The following PCNX1 variants were observed in gnomAD, a reference collection of about 807,000 sequenced individuals.
PCNX1 encodes pecanex-like protein 1.
PCNX1 carries 78 observed loss-of-function variants against 242.2 expected under a neutral mutation model. That is an observed-to-expected ratio of 0.32 (90% CI 0.27 to 0.39). PCNX1 has a LOEUF of 0.39. PCNX1 is among the 10% of genes least tolerant of loss of function. PCNX1 has a pLI of 1.00. For synonymous variants in PCNX1, 1,024 were observed against 1,032.9 expected (o/e 0.99, Z 0.17); for missense variants, 2,581 against 2,856.5 (o/e 0.90, Z 2.20).
At chr14:71,062,662 T>C (rs1372751899) in intron 26 of PCNX1, among the ~76,000 whole-genome samples, 11 of 151,834 alleles carry the variant, frequency 7.2e-5, no homozygotes. Context: ...TAAGCTTAGG[T>C]AAATTTATTA....
At chr14:71,030,092 T>G (rs1176984849) in intron 16 of PCNX1, among the ~76,000 whole-genome samples, 3 of 152,222 alleles carry the variant, frequency 2.0e-5, no homozygotes, top group Non-Finnish European at 4.4e-5. Flanking sequence ...TTGGTTTTTT[T>G]AGTTTTAATT....
rs1297586177 is a variant in PCNX1, at chr14:71,110,815, T to C, written c.*880T>C. On this transcript the variant is annotated 3_prime_UTR_variant, in exon 36 of 36. Coordinates refer to ENST00000304743, the MANE Select transcript of PCNX1 (RefSeq NM_014982.3). ...TGTGTCTACATCTCAGAGGAGCCCATGTGCTCTGCTTCTCTCCACCAGAGC... is the reference window on the plus strand; with the variant it reads ...TGTGTCTACATCTCAGAGGAGCCCACGTGCTCTGCTTCTCTCCACCAGAGC... 1.3e-5 allele frequency: 2 copies of C among 152,692 alleles called. No individual in the cohort carries two copies. Among genetic ancestry groups the C allele is most frequent in the African/African-American group, 2.4e-5 (1 of 41,464 alleles). 9.5% of individuals were successfully genotyped at this position (152,692 alleles called of 1,614,324 possible). A position where few individuals can be genotyped will look rare whatever the true frequency, so the allele number is the denominator to read the frequency against.
intron 22 of PCNX1, among the ~76,000 whole-genome samples, chr14:71,048,599 T>C (rs1277779867): frequency 6.6e-6 from 1 of 152,214 alleles, no homozygotes; most frequent in Non-Finnish European, 1.5e-5. Context: ...GAAATAGTAA[T>C]TCAATTTCAT....
At chr14:70,910,229 T>TCCTCCTTCTC (rs1375541677) in intron 1 of PCNX1, among the ~76,000 whole-genome samples, 2 of 69,488 alleles carry the variant, frequency 2.9e-5, no homozygotes, top group African/African-American at 5.3e-5. Flanking sequence ...CTCCTCCTCC[T>TCCTCCTTCTC]CTCACCAGCA....
At chr14:70,913,557 A>G (rs576260617) in intron 1 of PCNX1, among the ~76,000 whole-genome samples, 14 of 152,310 alleles carry the variant, frequency 9.2e-5, no homozygotes, top group African/African-American at 3.4e-4. Flanking sequence ...TCAGACTCTA[A>G]ATCATTAACA....
In PCNX1 at chr14:70,978,002, T is replaced by C; in HGVS notation, c.1665T>C (p.Ser555=). The change falls in exon 6 of 36, where the codon TCT becomes TCC. Residue 555 remains serine (S), a synonymous_variant. Coordinates refer to ENST00000304743, the MANE Select transcript of PCNX1 (RefSeq NM_014982.3). ...CTAGCGTAATCCATCGGACAGCTTC[T>C]GCCCACAAGTCAGGCAGGAGACGCA... ...KSSSVIHRTA[S]AHKSGRRRTG... 6.2e-7 allele frequency: 1 copy of C among 1,614,194 alleles called. No homozygotes were observed. Among genetic ancestry groups the C allele is most frequent in the Non-Finnish European group, 8.5e-7 (1 of 1,180,032 alleles).
At chr14:71,051,697 TTATG>T (rs1340224957) in intron 23 of PCNX1, among the ~76,000 whole-genome samples, 182 bp from the exon 24 acceptor site, 3 of 152,190 alleles carry the variant, frequency 2.0e-5, no homozygotes, top group African/African-American at 7.2e-5. Flanking sequence ...AGGTTGTACT[TTATG>T]TATGTCTTTC....
intron 16 of PCNX1, chr14:71,031,606 T>C (rs189403654): frequency 1.1e-3 from 608 of 570,818 alleles, no homozygotes; most frequent in Non-Finnish European, 1.7e-3. Context: ...CACAATAGAC[T>C]TAGGCAGCCC....
At chr14:70,973,081 G>C (rs1284346284) in intron 5 of PCNX1, among the ~76,000 whole-genome samples, 1 of 151,826 alleles carries the variant, frequency 6.6e-6, no homozygotes, top group Non-Finnish European at 1.5e-5. Flanking sequence ...GTGAAGCCCT[G>C]CCTTTAAGAA....
At chr14:70,963,946 G>C (rs1437510750) in intron 3 of PCNX1, among the ~76,000 whole-genome samples, 1 of 152,152 alleles carries the variant, frequency 6.6e-6, no homozygotes, top group Non-Finnish European at 1.5e-5. Context: ...AGAACATGTA[G>C]GTTGTTAAAT....
rs138522889 is a variant in PCNX1 at position 71,074,185 on chromosome 14, C to T, written c.5106+387C>T. 1.7e-3 allele frequency among the ~76,000 whole-genome samples: 265 copies of T among 152,356 alleles called. 6 individuals are homozygous for T. Among genetic ancestry groups the T allele is most frequent in the Admixed American group, 0.017 (258 of 15,300 alleles). On this transcript the variant is annotated intron_variant, in intron 27 of 35. Transcript: ENST00000304743. Reference sequence around the variant, plus strand: ...AGTTAACTTGTCCAAGATCCTCTAACAAGTAGAGTTTGGGGCTTAAAAGCC... The same window carrying T: ...AGTTAACTTGTCCAAGATCCTCTAATAAGTAGAGTTTGGGGCTTAAAAGCC...
chr14:70,963,889 GTTCATCACTGTATC>G (rs1391260468), intron 3 of PCNX1, among the ~76,000 whole-genome samples: 1 of 152,122 alleles, frequency 6.6e-6, no homozygotes, highest in Non-Finnish European at 1.5e-5. Flanking sequence ...TCTCTTGTGT[GTTCATCACTGTATC>G]ATGCGGCTCA....
intron 26 of PCNX1, among the ~76,000 whole-genome samples, chr14:71,071,984 A>G (rs369133200): frequency 2.1e-4 from 32 of 152,300 alleles, no homozygotes; most frequent in East Asian, 7.7e-4. Context: ...CCATTTGTCA[A>G]TTTAAGTTTG....
intron 19 of PCNX1, among the ~76,000 whole-genome samples, chr14:71,041,483 A>G (rs8007425): frequency 0.54 from 81,695 of 151,902 alleles, 22,899 homozygotes; most frequent in East Asian, 0.74. Context: ...CAATTTATTC[A>G]CATATAGTTA....
chr14:70,950,946 TTG>T (rs1171809205), intron 2 of PCNX1, among the ~76,000 whole-genome samples: 1 of 152,076 alleles, frequency 6.6e-6, no homozygotes, highest in African/African-American at 2.4e-5. Flanking sequence ...TGGTCCAATT[TTG>T]TGTGTTTGTT....
rs751587521 is a variant in PCNX1, at chr14:70,978,403, G to T, written c.2066G>T (p.Arg689Leu). The change falls in exon 6 of 36, where the codon CGA becomes CTA. Residue 689 changes from arginine (R) to leucine (L), a missense_variant. Coordinates refer to ENST00000304743, the MANE Select transcript of PCNX1 (RefSeq NM_014982.3). ...SSTNSAKTRA[R>L]VLSLDSGTVA... Reference sequence around the variant, plus strand: ...ACAAATAGTGCCAAGACTCGTGCCCGAGTGTTGAGCCTGGACAGTGGCACA... The same window carrying T: ...ACAAATAGTGCCAAGACTCGTGCCCTAGTGTTGAGCCTGGACAGTGGCACA... 3.2e-5 allele frequency: 52 copies of T among 1,614,094 alleles called. No individual in the cohort carries two copies. The highest frequency in any genetic ancestry group is 4.2e-5 in the Non-Finnish European group (49 of 1,180,046).
intron 29 of PCNX1, 73 bp from the exon 30 acceptor site, chr14:71,089,119 A>T (rs2062065567): frequency 1.8e-6 from 2 of 1,118,968 alleles, no homozygotes; most frequent in Non-Finnish European, 2.6e-6. Flanking sequence ...TCTGATGCAC[A>T]CGCAGATGTA....
chr14:70,960,422 C>T (rs1444203339), intron 2 of PCNX1, among the ~76,000 whole-genome samples: 1 of 152,042 alleles, frequency 6.6e-6, no homozygotes, highest in Non-Finnish European at 1.5e-5. Context: ...GCAGAAAAGG[C>T]CTTTATCTCA....
At chr14:70,956,215 A>G (rs2057988056) in intron 2 of PCNX1, among the ~76,000 whole-genome samples, 1 of 152,182 alleles carries the variant, frequency 6.6e-6, no homozygotes, top group Middle Eastern at 3.2e-3. Context: ...GAAAGAGACT[A>G]GTGCCTATTT....
Sources: gnomAD v4.1 joint callset for allele counts (sites outside exome capture counted in the v4.1 genomes callset) on GRCh38, gnomAD v4.1.1 for gene constraint, MANE v1.5 for transcripts, NCBI Gene and HGNC (gene_info 2026-07-23, HGNC 2026-07-21) for gene names.